GDI2: variants seen among roughly 807,000 people sequenced by gnomAD.
GDI2 encodes rab GDP dissociation inhibitor beta.
In GDI2, 22 loss-of-function variants were observed where a neutral mutation model predicts 54.2. The observed-to-expected ratio is 0.41, with a 90% CI of 0.29 to 0.58. GDI2 has a LOEUF of 0.58. Ranked by LOEUF, GDI2 falls within the 20% of genes least tolerant of loss-of-function variation. GDI2 has a pLI of 0.35. For missense variants in GDI2, 422 were observed against 546.0 expected (o/e 0.77, Z 2.26); for synonymous variants, 177 against 182.1 (o/e 0.97, Z 0.23).
intron 7 of GDI2, among the ~76,000 whole-genome samples, chr10:5,771,336 ATTG>A (rs2131682484): frequency 6.6e-6 from 1 of 152,296 alleles, no homozygotes; most frequent in East Asian, 1.9e-4. Flanking sequence ...ACCTCAAAGG[ATTG>A]TTGTTAGTAC....
chr10:5,806,359 A>AAGCCCAAGAGTTCGACACC (rs6143757), intron 1 of GDI2, among the ~76,000 whole-genome samples: 2 of 150,992 alleles, frequency 1.3e-5, no homozygotes, highest in African/African-American at 4.9e-5. Context: ...AGAATCGCTT[A>AAGCCCAAGAGTTCGACACC]AGCCCAGGTA....
intron 5 of GDI2, among the ~76,000 whole-genome samples, 171 bp downstream of exon 5, chr10:5,785,681 C>A (rs1229244899): frequency 6.6e-6 from 1 of 152,122 alleles, no homozygotes; most frequent in Non-Finnish European, 1.5e-5. Context: ...TGGCCCACTA[C>A]CTTTATATTT....
At chr10:5,778,774 A>T (rs889537695) in intron 6 of GDI2, among the ~76,000 whole-genome samples, 7 of 152,214 alleles carry the variant, frequency 4.6e-5, no homozygotes, top group South Asian at 4.1e-4. Context: ...ATTGTGATTT[A>T]AAACAAATCA....
chr10:5,808,192 A>G (rs577509738), intron 1 of GDI2, among the ~76,000 whole-genome samples: 1 of 152,010 alleles, frequency 6.6e-6, no homozygotes, highest in Non-Finnish European at 1.5e-5. Flanking sequence ...CCCAAACTAC[A>G]TGCCTCCTGT....
At chr10:5,782,802 G>T (rs1341380909) in intron 6 of GDI2, among the ~76,000 whole-genome samples, 1 of 152,096 alleles carries the variant, frequency 6.6e-6, no homozygotes, top group Non-Finnish European at 1.5e-5. Flanking sequence ...ATGTGGTGGT[G>T]CATGCCTGTA....
intron 4 of GDI2, among the ~76,000 whole-genome samples, chr10:5,789,927 T>G (rs1182918521): frequency 1.3e-5 from 2 of 152,248 alleles, no homozygotes; most frequent in Non-Finnish European, 2.9e-5. Context: ...CTTAAAACTC[T>G]ATGTGACAAT....
chr10:5,786,082 C>G, intron 4 of GDI2, 32 bp from the exon 5 acceptor site: 2 of 1,440,548 alleles, frequency 1.4e-6, no homozygotes, highest in Non-Finnish European at 1.9e-6. Flanking sequence ...AAAAAGCACA[C>G]TCACAATCAG....
chr10:5,773,705 TA>T (rs1382277798), intron 7 of GDI2, 136 bp downstream of exon 7: 3 of 609,590 alleles, frequency 4.9e-6, no homozygotes, highest in Non-Finnish European at 8.7e-6. Flanking sequence ...CAACTGTAAT[TA>T]GTCCTTAGTC....
chr10:5,794,187 AAATATATATATATATAT>A lies in GDI2; in HGVS notation c.388+681_388+697del, dbSNP rs1444219516. Among the ~76,000 whole-genome samples, 39 of 40,270 alleles carry A rather than the reference AAATATATATATATATAT, an allele frequency of 9.7e-4. 2 individuals are homozygous for A. The highest frequency in any genetic ancestry group is 2.6e-3 in the South Asian group (2 of 758). The allele number at this position is 40,270 out of a possible 152,430, so 26.4% of individuals were successfully genotyped here. Reference sequence around the variant, plus strand: ...GTCTTTAAAAGAAAAAAAAAAAAAAAAATATATATATATATATATATATATATATATATATATATATA... The same window carrying A: ...GTCTTTAAAAGAAAAAAAAAAAAAAAATATATATATATATATATATATATA... On this transcript the variant is annotated intron_variant, in intron 4 of 10. Coordinates refer to ENST00000380191, the MANE Select transcript of GDI2 (RefSeq NM_001494.4).
At chr10:5,784,611 A>T (rs1008745977) in intron 6 of GDI2, among the ~76,000 whole-genome samples, 1 of 152,258 alleles carries the variant, frequency 6.6e-6, no homozygotes, top group African/African-American at 2.4e-5. Context: ...TTTGTCCCAC[A>T]GGGATGCTCC....
chr10:5,772,076 GA>G (rs112815035), intron 7 of GDI2, among the ~76,000 whole-genome samples: 24 of 145,184 alleles, frequency 1.7e-4, no homozygotes, highest in Admixed American at 2.7e-4. Flanking sequence ...TGACTGAGAA[GA>G]AAAAAAAAAA....
chr10:5,786,889 T>A (rs1455600544), intron 4 of GDI2, among the ~76,000 whole-genome samples: 1 of 152,224 alleles, frequency 6.6e-6, no homozygotes, highest in Non-Finnish European at 1.5e-5. Context: ...TTTACTGAAG[T>A]CCTACATAAG....
chr10:5,780,209 CAAAA>C lies in GDI2; in HGVS notation c.719+4929_719+4932del, dbSNP rs747338122. On this transcript the variant is annotated intron_variant, in intron 6 of 10. Transcript: ENST00000380191. ...GGGTGACAGAGTAAGATCGTGTCTC[CAAAA>C]AAAAAAACAAACAAACAAACAAACA... Among the ~76,000 whole-genome samples, 219 of 89,574 alleles carry C rather than the reference CAAAA, an allele frequency of 2.4e-3. 3 individuals are homozygous for C. In the East Asian group the frequency reaches 0.036, roughly 15 times the overall value. The allele number at this position is 89,574 out of a possible 152,430, so 58.8% of individuals were successfully genotyped here.
intron 1 of GDI2, among the ~76,000 whole-genome samples, chr10:5,805,245 T>C (rs1048877046): frequency 2.0e-5 from 3 of 151,906 alleles, no homozygotes; most frequent in Admixed American, 2.0e-4. Context: ...CTACCCAGAT[T>C]TCCAAACTTC....
At chr10:5,792,778 A>T (rs1325989985) in intron 4 of GDI2, among the ~76,000 whole-genome samples, 1 of 151,794 alleles carries the variant, frequency 6.6e-6, no homozygotes, top group African/African-American at 2.4e-5. Flanking sequence ...GAATGAGACC[A>T]AGACTCGAAA....
chr10:5,797,520 A>C (rs186704518), intron 2 of GDI2, among the ~76,000 whole-genome samples: 15 of 129,122 alleles, frequency 1.2e-4, no homozygotes, highest in Non-Finnish European at 2.2e-4. Flanking sequence ...ACTCCAGCCT[A>C]GTGACAGAGT....
Position 5,811,862 on chromosome 10 carries a change from T to G in GDI2, c.45+1352A>C. 2 of 856,102 alleles carry G rather than the reference T, an allele frequency of 2.3e-6. 1 individual carries two copies. The highest frequency in any genetic ancestry group is 3.0e-5 in the South Asian group (2 of 66,810). 53.0% of individuals were successfully genotyped at this position (856,102 alleles called of 1,614,324 possible). The stretch of plus-strand genomic sequence containing the variant: ...ACAGACCAGAAAAACACGATTCTAA[T>G]TCTTCACAAACCTTTCCTAAAAAAT... On this transcript the variant is annotated intron_variant, in intron 1 of 10. Transcript: ENST00000380191.
chr10:5,794,183 AAAAAAATATATATATAT>A (rs1841081654), intron 4 of GDI2, among the ~76,000 whole-genome samples: 4 of 53,142 alleles, frequency 7.5e-5, no homozygotes, highest in Admixed American at 2.7e-4. Flanking sequence ...AAAAAAAAAA[AAAAAAATATATATATAT>A]ATATATATAT....
chr10:5,780,533 A>T (rs199498275), intron 6 of GDI2, among the ~76,000 whole-genome samples: 1 of 68,812 alleles, frequency 1.5e-5, no homozygotes, highest in African/African-American at 4.1e-5. Flanking sequence ...ATAAAACTAG[A>T]AAAACTAGTA....
Sources: gnomAD v4.1 joint callset for allele counts (sites outside exome capture counted in the v4.1 genomes callset) on GRCh38, gnomAD v4.1.1 for gene constraint, MANE v1.5 for transcripts, NCBI Gene and HGNC (gene_info 2026-07-23, HGNC 2026-07-21) for gene names.